The following RAD17 variants were observed in gnomAD, a reference collection of about 807,000 sequenced individuals.
RAD17 encodes the protein RAD17 checkpoint clamp loader component.
Under a neutral mutation model 81.5 loss-of-function variants are expected in RAD17, and 31 were observed. The ratio of observed to expected loss-of-function variants is 0.38; its 90% CI spans 0.29 to 0.51. The LOEUF (loss-of-function observed/expected upper bound fraction) is 0.51. Ranked by LOEUF, RAD17 falls within the 20% of genes least tolerant of loss-of-function variation. The pLI is 0.88. For synonymous variants in RAD17, 261 were observed against 266.2 expected, an observed-to-expected ratio of 0.98 and a Z score of 0.19; for missense variants, 681 against 781.2, an observed-to-expected ratio of 0.87 and a Z score of 1.53.
chr5:69,377,680 T>TATATATGTATACATATATATGC lies in RAD17; in HGVS notation c.351+2975_351+2976insGTATACATATATATGCATATAT, dbSNP rs1554038865. Among the ~76,000 whole-genome samples, 3 of 4,888 alleles carry TATATATGTATACATATATATGC rather than the reference T, an allele frequency of 6.1e-4. 1 individual carries two copies. The highest frequency in any genetic ancestry group is 4.5e-3 in the Non-Finnish European group (3 of 672). 3.2% of individuals were successfully genotyped at this position (4,888 alleles called of 152,430 possible). A position where few individuals can be genotyped will look rare whatever the true frequency, so the allele number is the denominator to read the frequency against. ...ATATATGTATACATATATATATGCATATATATATATGTATACATATATATA... is the reference window on the plus strand; with the variant it reads ...ATATATGTATACATATATATATGCATATATATGTATACATATATATGCATATATATATGTATACATATATATA... On this transcript the variant is annotated intron_variant, in intron 6 of 18. Transcript: ENST00000354868.
Position 69,386,053 on chromosome 5 carries a change from AC to A in RAD17, c.658del (p.Gln220SerfsTer13). ...TTTTATTTTCAATAGGATTTACCTA[AC>A]CAGTTTTATCGGGATTCTCATACTT... ...KKIILVEDLP[N>X]QFYRDSHTLH... On this transcript the variant is annotated frameshift_variant, in exon 9 of 19. Coordinates refer to ENST00000354868, the MANE Select transcript of RAD17 (RefSeq NM_133338.3). LOFTEE classifies it high-confidence loss of function. The A allele has an allele frequency of 6.3e-7, 1 of 1,592,776 alleles. No individual in the cohort carries two copies. Among genetic ancestry groups the A allele is most frequent in the South Asian group, 1.2e-5 (1 of 84,656 alleles).
intron 12 of RAD17, among the ~76,000 whole-genome samples, chr5:69,389,828 G>A (rs1425124212): frequency 1.3e-5 from 2 of 152,056 alleles, no homozygotes; most frequent in Non-Finnish European, 1.5e-5. Flanking sequence ...AATAGAGATG[G>A]GGTTTCACTG....
At chr5:69,391,559 A>G (rs1216342893) in intron 12 of RAD17, among the ~76,000 whole-genome samples, 1 of 152,182 alleles carries the variant, frequency 6.6e-6, no homozygotes, top group Non-Finnish European at 1.5e-5. Context: ...AATTTTTTGG[A>G]TCAGGAATGT....
At chr5:69,369,411 T>C (rs540560801), upstream of RAD17, 16 of 1,597,788 alleles carry the variant, frequency 1.0e-5, no homozygotes, top group Admixed American at 1.7e-5. Flanking sequence ...CCCAGAGCAC[T>C]CTGCGCCCCC....
At chr5:69,377,941 T>C (rs1025977447) in intron 6 of RAD17, among the ~76,000 whole-genome samples, 4 of 151,678 alleles carry the variant, frequency 2.6e-5, no homozygotes, top group African/African-American at 9.7e-5. Flanking sequence ...TGCAAGTGTG[T>C]GCCACCGCAT....
Position 69,394,848 on chromosome 5 carries a change from C to G in RAD17, c.1422+1348C>G, listed in dbSNP as rs60252344. Among the ~76,000 whole-genome samples the G allele has an allele frequency of 2.0e-5, 3 of 152,226 alleles. No homozygotes were observed. The East Asian group carries it at 5.8e-4, about 29-fold the overall frequency. On this transcript the variant is annotated intron_variant, in intron 15 of 18. Transcript: ENST00000354868. ...GGCCGAGGCAGGTGGATCACTTGAG[C>G]TCATGAGTATGAGACCAGCTGGGGC...
chr5:69,371,460 T>A lies in RAD17; in HGVS notation c.-273T>A. 1 of 477,534 alleles carries A rather than the reference T, an allele frequency of 2.1e-6. No homozygotes were observed. Among genetic ancestry groups the A allele is most frequent in the Non-Finnish European group, 3.4e-6 (1 of 294,216 alleles). The allele number at this position is 477,534 out of a possible 1,614,324, so 29.6% of individuals were successfully genotyped here. On this transcript the variant is annotated 5_prime_UTR_variant, in exon 3 of 19. It introduces an in-frame stop codon into an upstream open reading frame of the 5' UTR. Coordinates refer to ENST00000354868, the MANE Select transcript of RAD17 (RefSeq NM_133338.3). ...TTCCCCCCCCCCCCCCCAGGTGAAT[T>A]ATAGTTTAATGTACTGCAAGTCCTA...
intron 6 of RAD17, among the ~76,000 whole-genome samples, chr5:69,377,259 T>G (rs1763393723): frequency 6.6e-6 from 1 of 151,712 alleles, no homozygotes; most frequent in African/African-American, 2.4e-5. Context: ...AGGCTTTTTC[T>G]CATTGATTTG....
chr5:69,377,131 A>G (rs1052410359), intron 6 of RAD17, among the ~76,000 whole-genome samples: 2 of 151,994 alleles, frequency 1.3e-5, no homozygotes, highest in African/African-American at 4.8e-5. Context: ...TAAGATCATG[A>G]ATTCAAGTTG....
intron 16 of RAD17, among the ~76,000 whole-genome samples, chr5:69,398,588 A>G (rs1034725167): frequency 7.2e-5 from 11 of 152,030 alleles, no homozygotes; most frequent in African/African-American, 2.7e-4. Flanking sequence ...CGGGCAGAAC[A>G]CAAGGTCAGG....
chr5:69,405,095 CA>C (rs1340743926), intron 17 of RAD17, among the ~76,000 whole-genome samples: 2 of 152,100 alleles, frequency 1.3e-5, no homozygotes, highest in Non-Finnish European at 2.9e-5. Flanking sequence ...TGGCCGTTAC[CA>C]AAAGATAAAT....
chr5:69,379,470 A>G (rs1242025009), intron 6 of RAD17, among the ~76,000 whole-genome samples: 2 of 152,136 alleles, frequency 1.3e-5, no homozygotes, highest in Non-Finnish European at 2.9e-5. Flanking sequence ...TAATAAATTA[A>G]CCTTCACTTA....
At chr5:69,387,546 A>G (rs529198189) in intron 11 of RAD17, among the ~76,000 whole-genome samples, 2 of 152,298 alleles carry the variant, frequency 1.3e-5, no homozygotes, top group African/African-American at 4.8e-5. Context: ...ATGAATTATT[A>G]TGCTATTAGT....
chr5:69,394,142 C>T lies in RAD17; in HGVS notation c.1422+642C>T, dbSNP rs17236450. On this transcript the variant is annotated intron_variant, in intron 15 of 18. Coordinates refer to ENST00000354868, the MANE Select transcript of RAD17 (RefSeq NM_133338.3). ...CAAACATGGTTCACTGCAACCTTGACCTTCTGGGCTCAAGCGATCCTCCAA... is the reference window on the plus strand; with the variant it reads ...CAAACATGGTTCACTGCAACCTTGATCTTCTGGGCTCAAGCGATCCTCCAA... 6.1e-3 allele frequency among the ~76,000 whole-genome samples: 908 copies of T among 148,718 alleles called. 7 individuals carry two copies. The highest frequency in any genetic ancestry group is 0.021 in the African/African-American group (860 of 40,182).
rs374655239 is a variant in RAD17 at position 69,393,390 on chromosome 5, T to A, written c.1312T>A (p.Phe438Ile). Reference sequence around the variant, plus strand: ...AATGTCACACATGCCTGGAGACTTATTTAATTTATATCTTCACCAAAACTA... The same window carrying A: ...AATGTCACACATGCCTGGAGACTTAATTAATTTATATCTTCACCAAAACTA... ...VEMSHMPGDL[F>I]NLYLHQNYID... is the part of the protein sequence containing the mutation. Residue 438 changes from phenylalanine (F) to isoleucine (I), a missense_variant, in exon 15 of 19, where the codon TTT becomes ATT. By Grantham distance (21) the Phe-to-Ile change is conservative (BLOSUM62 0). Coordinates refer to ENST00000354868, the MANE Select transcript of RAD17 (RefSeq NM_133338.3). The A allele has an allele frequency of 6.2e-7, 1 of 1,600,534 alleles. No individual in the cohort carries two copies.
chr5:69,389,541 T>C (rs1197489770), intron 12 of RAD17, among the ~76,000 whole-genome samples: 1 of 151,842 alleles, frequency 6.6e-6, no homozygotes, highest in African/African-American at 2.4e-5. Flanking sequence ...GACACTATTA[T>C]AGAGTGCTTC....
chr5:69,405,485 G>C (rs754673429), intron 17 of RAD17, among the ~76,000 whole-genome samples: 8 of 151,914 alleles, frequency 5.3e-5, no homozygotes, highest in Non-Finnish European at 8.8e-5. Flanking sequence ...TGACCAACAT[G>C]ATGAAACTCT....
chr5:69,389,888 G>C (rs951449523), intron 12 of RAD17, among the ~76,000 whole-genome samples: 1 of 152,064 alleles, frequency 6.6e-6, no homozygotes, highest in African/African-American at 2.4e-5. Flanking sequence ...CGCCCGCCTC[G>C]GCCTCCCAAA....
At chr5:69,397,982 C>T (rs1765004026) in intron 16 of RAD17, among the ~76,000 whole-genome samples, 4 of 152,106 alleles carry the variant, frequency 2.6e-5, no homozygotes, top group Non-Finnish European at 4.4e-5. Context: ...CCGGGTGTGG[C>T]GGCGTGCGCC....
Sources: allele counts gnomAD v4.1 joint callset (sites outside exome capture counted in the v4.1 genomes callset), GRCh38; gene constraint gnomAD v4.1.1; transcripts MANE v1.5; gene names NCBI Gene and HGNC (gene_info 2026-07-23, HGNC 2026-07-21).